The following LPIN2 variants were observed in gnomAD, a reference collection of about 807,000 sequenced individuals.
LPIN2 encodes the protein phosphatidate phosphatase LPIN2.
LPIN2 carries 55 observed loss-of-function variants against 111.4 expected under a neutral mutation model. The ratio of observed to expected loss-of-function variants is 0.49; its 90% CI spans 0.40 to 0.62. The LOEUF is 0.62. Ranked by LOEUF, LPIN2 falls within the 20% of genes least tolerant of loss-of-function variation. The pLI is 0.00. For missense variants in LPIN2, 992 were observed against 1,112.1 expected (o/e 0.89, Z 1.54); for synonymous variants, 425 against 414.0 (o/e 1.03, Z -0.32).
At chr18:2,987,493 T>C (rs2078203432) in intron 1 of LPIN2, among the ~76,000 whole-genome samples, 1 of 152,198 alleles carries the variant, frequency 6.6e-6, no homozygotes, top group African/African-American at 2.4e-5. Context: ...CCCCTCATCC[T>C]CACATTCCTT....
chr18:2,934,920 A>G (rs187693065), intron 7 of LPIN2, among the ~76,000 whole-genome samples: 33 of 152,356 alleles, frequency 2.2e-4, no homozygotes, highest in African/African-American at 7.9e-4. Flanking sequence ...AATACTTCAC[A>G]ATGGATAGAT....
intron 1 of LPIN2, among the ~76,000 whole-genome samples, chr18:2,973,881 G>A (rs1411816734): frequency 2.6e-5 from 4 of 152,130 alleles, no homozygotes; most frequent in Non-Finnish European, 5.9e-5. Context: ...GGGCAAGTGT[G>A]GAATTTTCCA....
chr18:2,929,159 C>T lies in LPIN2; in HGVS notation c.1457-1G>A. 1.9e-6 allele frequency: 3 copies of T among 1,580,308 alleles called. No individual in the cohort carries two copies. Among genetic ancestry groups the T allele is most frequent in the Non-Finnish European group, 2.6e-6 (3 of 1,149,718 alleles). Reference sequence around the variant, plus strand: ...GTAATGATATGCTCCATGAATTTTTCTGCAATGTAAAATAATAATCAATTT... The same window carrying T: ...GTAATGATATGCTCCATGAATTTTTTTGCAATGTAAAATAATAATCAATTT... On this transcript the variant is annotated splice_acceptor_variant, in intron 9 of 19. Coordinates refer to ENST00000677752, the MANE Select transcript of LPIN2 (RefSeq NM_001375808.2). LOFTEE classifies it high-confidence loss of function.
chr18:2,946,549 T>A, intron 4 of LPIN2: 2 of 1,452,818 alleles, frequency 1.4e-6, no homozygotes, highest in Non-Finnish European at 1.9e-6. Flanking sequence ...TTTTTCCCAC[T>A]GTCACAGGCA....
At chr18:2,951,392 C>A (rs1261541677) in intron 3 of LPIN2, 36 bp from the exon 4 acceptor site, 10 of 1,538,784 alleles carry the variant, frequency 6.5e-6, no homozygotes. Flanking sequence ...TTATCCATGA[C>A]AAACTCGACA....
In LPIN2 at chr18:2,926,838, A is replaced by AT. The variant is rs770385292; in HGVS notation, c.1711-34dup. ...AGCAAGATGATAATGGCAACATGCA[A>AT]TTTTTTCCCTACAGATAAGCCAAGT... is the stretch of plus-strand genomic sequence containing the variant. On this transcript the variant is annotated intron_variant, in intron 12 of 19. Coordinates refer to ENST00000677752, the MANE Select transcript of LPIN2 (RefSeq NM_001375808.2). 1.3e-5 allele frequency: 20 copies of AT among 1,573,782 alleles called. No homozygotes were observed. The Admixed American group carries it at 2.8e-4, about 22-fold the overall frequency.
rs200856530 is a variant in LPIN2 at position 2,974,082 on chromosome 18, AGTT to A, written c.-9-13236_-9-13234del. ...AAAGTTGATTTTACTGGTATTGTTT[AGTT>A]GTTGTTGTTGTTTTGTTTTGTTTTT... On this transcript the variant is annotated intron_variant, in intron 1 of 19. Coordinates refer to ENST00000677752, the MANE Select transcript of LPIN2 (RefSeq NM_001375808.2). 6.7e-3 allele frequency among the ~76,000 whole-genome samples: 1,013 copies of A among 152,086 alleles called. 15 individuals are homozygous for A. The highest frequency in any genetic ancestry group is 0.023 in the African/African-American group (938 of 41,476).
intron 7 of LPIN2, among the ~76,000 whole-genome samples, chr18:2,935,419 G>A (rs182203909): frequency 1.1e-4 from 16 of 152,274 alleles, no homozygotes; most frequent in Non-Finnish European, 1.9e-4. Context: ...AATCCAGAAC[G>A]TGAGAGAGCC....
At chr18:2,941,229 T>C (rs1302231392) in intron 4 of LPIN2, among the ~76,000 whole-genome samples, 1 of 152,210 alleles carries the variant, frequency 6.6e-6, no homozygotes, top group Non-Finnish European at 1.5e-5. Flanking sequence ...TGGCTCAAAA[T>C]TTTAACAATA....
At chr18:3,012,717 G>A (rs765653076) in intron 1 of LPIN2, among the ~76,000 whole-genome samples, 2 of 152,266 alleles carry the variant, frequency 1.3e-5, no homozygotes, top group South Asian at 4.1e-4. Flanking sequence ...AAACCCAGGG[G>A]TAGGGGTGGT....
chr18:2,930,374 T>A (rs2077196843), intron 9 of LPIN2, among the ~76,000 whole-genome samples: 3 of 152,230 alleles, frequency 2.0e-5, no homozygotes, highest in Non-Finnish European at 4.4e-5. Context: ...TAACACACTT[T>A]AAATTTCTTG....
chr18:2,949,360 C>CA (rs1050623900), intron 4 of LPIN2, among the ~76,000 whole-genome samples: 1 of 151,680 alleles, frequency 6.6e-6, no homozygotes, highest in Non-Finnish European at 1.5e-5. Context: ...TTGACACTGA[C>CA]AAAAAAAATT....
chr18:2,994,126 T>C (rs1359710825), intron 1 of LPIN2, among the ~76,000 whole-genome samples: 1 of 152,224 alleles, frequency 6.6e-6, no homozygotes, highest in Non-Finnish European at 1.5e-5. Context: ...TGTACGCCTA[T>C]CATTCAAGAA....
intron 3 of LPIN2, among the ~76,000 whole-genome samples, chr18:2,952,879 G>A (rs1401955932): frequency 6.6e-6 from 1 of 152,176 alleles, no homozygotes; most frequent in Non-Finnish European, 1.5e-5. Context: ...TAAAAGCACA[G>A]AGTTAGGTTT....
At chr18:2,945,817 T>G in intron 4 of LPIN2, 8 of 1,448,254 alleles carry the variant, frequency 5.5e-6, no homozygotes, top group Non-Finnish European at 7.8e-6. Flanking sequence ...TATACTGAAA[T>G]GGTAACTTCA....
chr18:2,917,350 G>C lies in LPIN2; in HGVS notation c.*2943C>G, dbSNP rs1274099217. 6.6e-6 allele frequency: 1 copy of C among 151,522 alleles called. No individual in the cohort carries two copies. The highest frequency in any genetic ancestry group is 1.5e-5 in the Non-Finnish European group (1 of 68,042). The allele number at this position is 151,522 out of a possible 1,614,324, so 9.4% of individuals were successfully genotyped here. A position where few individuals can be genotyped will look rare whatever the true frequency, so the allele number is the denominator to read the frequency against. ...AAACCCTGGAAGCTCTACAACACGGGAAAACATCGAAATTCCCCGGAAGTC... is the reference window on the plus strand; with the variant it reads ...AAACCCTGGAAGCTCTACAACACGGCAAAACATCGAAATTCCCCGGAAGTC... On this transcript the variant is annotated 3_prime_UTR_variant, in exon 20 of 20. Transcript: ENST00000677752.
intron 4 of LPIN2, among the ~76,000 whole-genome samples, chr18:2,947,359 T>A (rs1011023772): frequency 5.9e-5 from 9 of 152,206 alleles, no homozygotes; most frequent in Admixed American, 3.9e-4. Flanking sequence ...AATCTCTCTC[T>A]CACACAAAGA....
chr18:2,949,142 G>A (rs1424174723), intron 4 of LPIN2, among the ~76,000 whole-genome samples: 1 of 152,120 alleles, frequency 6.6e-6, no homozygotes, highest in Non-Finnish European at 1.5e-5. Context: ...TCAAGCAGTA[G>A]AAAAGTAAAA....
intron 1 of LPIN2, among the ~76,000 whole-genome samples, chr18:2,983,764 T>G (rs1345973479): frequency 1.3e-5 from 2 of 152,208 alleles, no homozygotes; most frequent in Admixed American, 1.3e-4. Context: ...TATACTGAGT[T>G]AAATAAGAAA....
Sources: allele counts gnomAD v4.1 joint callset (sites outside exome capture counted in the v4.1 genomes callset), GRCh38; gene constraint gnomAD v4.1.1; transcripts MANE v1.5; gene names NCBI Gene and HGNC (gene_info 2026-07-23, HGNC 2026-07-21).